Variants in ANK3 observed in about 807,000 individuals in gnomAD.
ANK3 encodes ankyrin 3.
Under a neutral mutation model 370.9 loss-of-function variants are expected in ANK3, and 57 were observed. The ratio of observed to expected loss-of-function variants is 0.15; its 90% CI spans 0.12 to 0.19. The LOEUF is 0.19. Ranked by LOEUF, ANK3 falls within the 10% of genes least tolerant of loss-of-function variation. The pLI is 1.00. For synonymous variants in ANK3, 1,929 were observed against 1,946.3 expected (o/e 0.99, Z 0.23); for missense variants, 4,439 against 5,302.1 (o/e 0.84, Z 5.06).
intron 2 of ANK3, among the ~76,000 whole-genome samples, chr10:60,398,924 A>G (rs1471102680): frequency 6.6e-6 from 1 of 152,196 alleles, no homozygotes; most frequent in Admixed American, 6.5e-5. Flanking sequence ...GGGCATAGGA[A>G]GTTCTGATGC....
intron 23 of ANK3, among the ~76,000 whole-genome samples, chr10:60,162,150 T>A (rs1287997754): frequency 1.3e-5 from 2 of 152,174 alleles, no homozygotes; most frequent in East Asian, 3.8e-4. Context: ...GCTAAAAATA[T>A]GCATTCTTGG....
chr10:60,231,097 A>C (rs2097236765), intron 8 of ANK3, among the ~76,000 whole-genome samples: 1 of 152,154 alleles, frequency 6.6e-6, no homozygotes, highest in Admixed American at 6.5e-5. Flanking sequence ...ACTATGACTC[A>C]GAAGGGTGAA....
chr10:60,184,093 T>C (rs2096267192), intron 17 of ANK3, among the ~76,000 whole-genome samples: 1 of 152,152 alleles, frequency 6.6e-6, no homozygotes, highest in Non-Finnish European at 1.5e-5. Flanking sequence ...AAAGTGCTGG[T>C]TACTAGTAAG....
chr10:60,354,408 T>C (rs969360280), intron 1 of ANK3, among the ~76,000 whole-genome samples: 3 of 152,222 alleles, frequency 2.0e-5, no homozygotes, highest in African/African-American at 2.4e-5. Context: ...GGATTACATC[T>C]TCACCTGCTT....
intron 7 of ANK3, among the ~76,000 whole-genome samples, chr10:60,250,229 TTG>T (rs144360158): frequency 3.7e-5 from 3 of 80,370 alleles, no homozygotes; most frequent in Non-Finnish European, 5.7e-5. Flanking sequence ...CCTGAGGAAC[TTG>T]TTAAAAACAC....
intron 23 of ANK3, among the ~76,000 whole-genome samples, chr10:60,165,317 G>A (rs994074633): frequency 6.6e-6 from 1 of 152,176 alleles, no homozygotes; most frequent in Admixed American, 6.5e-5. Flanking sequence ...TAATATGACA[G>A]TAGGTATATT....
At chr10:60,334,125 T>C (rs1489040496) in intron 1 of ANK3, among the ~76,000 whole-genome samples, 3 of 152,194 alleles carry the variant, frequency 2.0e-5, no homozygotes, top group Admixed American at 6.5e-5. Context: ...GTCTGTTACA[T>C]AGACTCTTCC....
chr10:60,063,803 A>G (rs1447477478), intron 39 of ANK3, among the ~76,000 whole-genome samples: 1 of 151,986 alleles, frequency 6.6e-6, no homozygotes, highest in African/African-American at 2.4e-5. Context: ...CTGCACATCC[A>G]CCTCCAGCCA....
intron 2 of ANK3, among the ~76,000 whole-genome samples, chr10:60,395,618 T>TTCTCTCTC (rs71015791): frequency 1.5e-4 from 19 of 126,206 alleles, no homozygotes; most frequent in African/African-American, 5.4e-4. Flanking sequence ...CTCTCTTTCG[T>TTCTCTCTC]TCTCTCTCTC....
rs543114532 is a variant in ANK3, at chr10:60,274,846, G to A, written c.414+3928C>T. Among the ~76,000 whole-genome samples, 16 of 152,218 alleles carry A rather than the reference G, an allele frequency of 1.1e-4. No homozygotes were observed. In the East Asian group the frequency reaches 2.9e-3, roughly 28 times the overall value. On this transcript the variant is annotated intron_variant, in intron 4 of 43. Coordinates refer to ENST00000280772, the MANE Select transcript of ANK3 (RefSeq NM_020987.5). ...TTACAAATTTTATGTCTCAAGAAAT[G>A]GTCAAGACATGAGAACACATACATA...
chr10:60,627,384 G>A (rs942001054), intron 1 of ANK3, among the ~76,000 whole-genome samples: 2 of 150,580 alleles, frequency 1.3e-5, no homozygotes, highest in African/African-American at 4.9e-5. Flanking sequence ...ACTTGACGTC[G>A]TTATTGTCCG....
At chr10:60,101,624 G>A (rs1209582084) in intron 28 of ANK3, among the ~76,000 whole-genome samples, 2 of 152,138 alleles carry the variant, frequency 1.3e-5, no homozygotes, top group African/African-American at 4.8e-5. Context: ...ATACCTTAGT[G>A]GTGATGGCAA....
intron 23 of ANK3, chr10:60,140,214 C>A: frequency 1.1e-6 from 1 of 941,948 alleles, no homozygotes; most frequent in East Asian, 2.5e-5. Flanking sequence ...AATGTAAAAA[C>A]TAAACAGATC....
At chr10:60,381,647 T>A (rs2061564410) in intron 1 of ANK3, among the ~76,000 whole-genome samples, 1 of 152,186 alleles carries the variant, frequency 6.6e-6, no homozygotes, top group Non-Finnish European at 1.5e-5. Flanking sequence ...AATCCCTCAA[T>A]GACATTTAAG....
At chr10:60,374,743 T>C (rs2060538054) in intron 1 of ANK3, among the ~76,000 whole-genome samples, 1 of 152,194 alleles carries the variant, frequency 6.6e-6, no homozygotes, top group Non-Finnish European at 1.5e-5. Flanking sequence ...TTGTCCTTTG[T>C]GGCATTTTTC....
intron 2 of ANK3, among the ~76,000 whole-genome samples, chr10:60,527,335 A>G (rs190105158): frequency 2.0e-5 from 3 of 152,246 alleles, no homozygotes; most frequent in Admixed American, 1.3e-4. Context: ...CATAAGATCA[A>G]TGTACACTAT....
At chr10:60,362,083 C>A (rs1161419058) in intron 1 of ANK3, among the ~76,000 whole-genome samples, 9 of 152,092 alleles carry the variant, frequency 5.9e-5, no homozygotes, top group Non-Finnish European at 5.9e-5. Flanking sequence ...TACACACAGC[C>A]TACTTGATAT....
At chr10:60,407,611 T>C (rs1169795182) in intron 2 of ANK3, among the ~76,000 whole-genome samples, 1 of 152,170 alleles carries the variant, frequency 6.6e-6, no homozygotes, top group Non-Finnish European at 1.5e-5. Flanking sequence ...CATTCATCAA[T>C]GTGTACGGAA....
intron 23 of ANK3, among the ~76,000 whole-genome samples, chr10:60,146,800 C>T (rs2094850043): frequency 6.6e-6 from 1 of 152,182 alleles, no homozygotes; most frequent in Admixed American, 6.5e-5. Context: ...TCTCATTCAA[C>T]ATTTAGACGA....
Sources: allele counts gnomAD v4.1 joint callset (sites outside exome capture counted in the v4.1 genomes callset), GRCh38; gene constraint gnomAD v4.1.1; transcripts MANE v1.5; gene names NCBI Gene and HGNC (gene_info 2026-07-23, HGNC 2026-07-21).